Variants in MAN2B2 observed in about 807,000 individuals in gnomAD.
The protein encoded by MAN2B2 is epididymis-specific alpha-mannosidase.
A neutral mutation model predicts 117.1 loss-of-function variants in MAN2B2; 106 were observed. That is an observed-to-expected ratio of 0.90 (90% CI 0.77 to 1.06). MAN2B2 has a LOEUF of 1.06. MAN2B2 is among the 50% of genes least tolerant of loss of function. MAN2B2 has a pLI of 0.00. For missense variants in MAN2B2, 1,326 were observed against 1,381.4 expected (o/e 0.96, Z 0.64); for synonymous variants, 544 against 595.1 (o/e 0.91, Z 1.25).
At chr4:6,581,779 C>T (rs1057116691) in intron 3 of MAN2B2, among the ~76,000 whole-genome samples, 3 of 151,378 alleles carry the variant, frequency 2.0e-5, no homozygotes, top group African/African-American at 4.9e-5. Flanking sequence ...CCTGGCTGCC[C>T]GCCAGGGCCT....
chr4:6,593,560 G>A (rs1726944693), intron 6 of MAN2B2, among the ~76,000 whole-genome samples: 1 of 152,186 alleles, frequency 6.6e-6, no homozygotes, highest in Admixed American at 6.5e-5. Flanking sequence ...ACCCACGCTG[G>A]CCTCTCCAGC....
At chr4:6,579,343 T>TCACCACCACCACCACCACCACCAC (rs1560635139) in intron 3 of MAN2B2, among the ~76,000 whole-genome samples, 1 of 28,474 alleles carries the variant, frequency 3.5e-5, no homozygotes, top group Non-Finnish European at 6.8e-5. Context: ...ACCACCACCA[T>TCACCACCACCACCACCACCACCAC]CACCATCACC....
chr4:6,584,449 A>G (rs1726557137), intron 3 of MAN2B2, among the ~76,000 whole-genome samples: 1 of 152,236 alleles, frequency 6.6e-6, no homozygotes, highest in African/African-American at 2.4e-5. Flanking sequence ...ACACACTAAA[A>G]TGTTAGCATT....
chr4:6,618,561 C>T (rs1175422087), intron 17 of MAN2B2: 1 of 152,320 alleles, frequency 6.6e-6, no homozygotes, highest in African/African-American at 2.4e-5. Context: ...TCAGGGCCCC[C>T]AGGCCTCGTC....
Position 6,620,158 on chromosome 4 carries a change from A to T in MAN2B2, c.2932+114A>T, listed in dbSNP as rs1712100883. ...CTGTCCCGGCCTGTGCGACCTTGCG[A>T]GGCTGCTTTCCTACTCTGAACCCGC... On this transcript the variant is annotated intron_variant, in intron 18 of 18. Coordinates refer to ENST00000285599, the MANE Select transcript of MAN2B2 (RefSeq NM_015274.3). 9.3e-6 allele frequency: 8 copies of T among 861,872 alleles called. No homozygotes were observed. The East Asian group carries it at 2.2e-4, about 23-fold the overall frequency. The allele number at this position is 861,872 out of a possible 1,614,324, so 53.4% of individuals were successfully genotyped here.
intron 16 of MAN2B2, among the ~76,000 whole-genome samples, chr4:6,615,701 G>A (rs910860186): frequency 2.0e-5 from 3 of 152,146 alleles, no homozygotes; most frequent in Non-Finnish European, 4.4e-5. Context: ...TCAGGAGGCT[G>A]AGGTGAAAGG....
At chr4:6,614,149 G>C in intron 15 of MAN2B2, 69 bp from the exon 16 acceptor site, 1 of 1,572,586 alleles carries the variant, frequency 6.4e-7, no homozygotes, top group South Asian at 1.2e-5. Flanking sequence ...GTAATGTGCA[G>C]AGCTCTGAGT....
At chr4:6,615,910 TCTC>T (rs537442576) in intron 16 of MAN2B2, among the ~76,000 whole-genome samples, 2,180 of 152,100 alleles carry the variant, frequency 0.014, 27 homozygotes, top group Middle Eastern at 0.034. Context: ...TTCAAGCAAT[TCTC>T]CTACCTCAGC....
At chr4:6,608,979 G>C in intron 11 of MAN2B2, 128 bp from the exon 12 acceptor site, 1 of 772,762 alleles carries the variant, frequency 1.3e-6, no homozygotes, top group South Asian at 1.9e-5. Context: ...TAGATGAGCT[G>C]AGTCACATGG....
At position 6,605,287 on chromosome 4, in the gene MAN2B2, T is replaced by A; in HGVS notation, c.1772T>A (p.Leu591Gln). Residue 591 changes from leucine to glutamine, a missense_variant, in exon 11 of 19, where the codon CTG (leucine) becomes CAG (glutamine). Physicochemically the swap from Leu to Gln is moderately radical, Grantham distance 113. Coordinates refer to ENST00000285599, the MANE Select transcript of MAN2B2 (RefSeq NM_015274.3). ...GTGGCAAACGACTGCTACATTGTGC[T>A]GCTCGACCAGGATACCAACCTGATG... ...VPVANDCYIVLLDQDTNLMHS... is the reference protein window; with the variant it reads ...VPVANDCYIVQLDQDTNLMHS... 1.2e-6 allele frequency: 2 copies of A among 1,613,738 alleles called. No individual in the cohort carries two copies. Among genetic ancestry groups the A allele is most frequent in the Non-Finnish European group, 1.7e-6 (2 of 1,179,650 alleles).
At chr4:6,620,977 G>A (rs1712142456) in intron 18 of MAN2B2, 2 of 541,452 alleles carry the variant, frequency 3.7e-6, no homozygotes, top group African/African-American at 1.9e-5. Context: ...GGATGCCATA[G>A]GCCGTTGCCA....
rs756057790 is a variant in MAN2B2 at position 6,617,562 on chromosome 4, GC to G, written c.2814+72del. 2.5e-6 allele frequency: 4 copies of G among 1,586,784 alleles called. No individual in the cohort carries two copies. The South Asian group carries it at 4.5e-5, about 18-fold the overall frequency. On this transcript the variant is annotated intron_variant, in intron 17 of 18. Transcript: ENST00000285599. ...ACCCTAGATGAAGCCCCAAGAAACT[GC>G]CTTGGCAAAGAGATCCACGAGGGCT...
At chr4:6,602,819 C>T (rs1452169202) in intron 10 of MAN2B2, among the ~76,000 whole-genome samples, 1 of 152,110 alleles carries the variant, frequency 6.6e-6, no homozygotes, top group Non-Finnish European at 1.5e-5. Flanking sequence ...CACAGGTGCA[C>T]ACCACCATAC....
chr4:6,615,962 C>G (rs1711842438), intron 16 of MAN2B2, among the ~76,000 whole-genome samples: 1 of 152,134 alleles, frequency 6.6e-6, no homozygotes, highest in South Asian at 2.1e-4. Context: ...CACCACCATG[C>G]CCAGCTAATT....
At chr4:6,613,830 A>AC (rs1711712807) in intron 15 of MAN2B2, among the ~76,000 whole-genome samples, 1 of 86,620 alleles carries the variant, frequency 1.2e-5, no homozygotes, top group Admixed American at 1.2e-4. Flanking sequence ...GGAAGGAAGG[A>AC]AAAAAGAGGG....
intron 3 of MAN2B2, among the ~76,000 whole-genome samples, chr4:6,579,309 A>G (rs1174496457): frequency 8.1e-6 from 1 of 124,112 alleles, no homozygotes; most frequent in Non-Finnish European, 1.7e-5. Context: ...CATCACCACC[A>G]CCACCACCAT....
At chr4:6,576,876 A>G in intron 2 of MAN2B2, 152 bp downstream of exon 2, 1 of 784,400 alleles carries the variant, frequency 1.3e-6, no homozygotes, top group Non-Finnish European at 2.0e-6. Context: ...CCTTGTTTAG[A>G]TCAAGGTTCA....
intron 17 of MAN2B2, chr4:6,618,513 T>C (rs193162854): frequency 6.6e-6 from 1 of 152,322 alleles, no homozygotes; most frequent in African/African-American, 2.4e-5. Context: ...CCCAGAAGGT[T>C]GCTGAGAGGC....
At position 6,610,058 on chromosome 4, in the gene MAN2B2, C is replaced by T. The variant is rs766557376; in HGVS notation, c.2259+8C>T. On this transcript the variant is annotated splice_region_variant and intron_variant, in intron 13 of 18. Coordinates refer to ENST00000285599, the MANE Select transcript of MAN2B2 (RefSeq NM_015274.3). Reference sequence around the variant, plus strand: ...AACAACAGCATCGCCCGGGTATGTCCTGCAATGCCCACAAGGCACGCTCCC... The same window carrying T: ...AACAACAGCATCGCCCGGGTATGTCTTGCAATGCCCACAAGGCACGCTCCC... 2 of 1,613,768 alleles carry T rather than the reference C, an allele frequency of 1.2e-6. No individual in the cohort carries two copies. The highest frequency in any genetic ancestry group is 1.7e-5 in the Admixed American group (1 of 60,006).
Sources: gnomAD v4.1 joint callset for allele counts (sites outside exome capture counted in the v4.1 genomes callset) on GRCh38, gnomAD v4.1.1 for gene constraint, MANE v1.5 for transcripts, NCBI Gene and HGNC (gene_info 2026-07-23, HGNC 2026-07-21) for gene names.